The following CSMD1 variants were observed in gnomAD, a reference collection of about 807,000 sequenced individuals.
CSMD1 encodes CUB and sushi domain-containing protein 1.
A neutral mutation model predicts 417.5 loss-of-function variants in CSMD1; 213 were observed. The ratio of observed to expected loss-of-function variants is 0.51; its 90% CI spans 0.46 to 0.57. The LOEUF (loss-of-function observed/expected upper bound fraction) is 0.57. Among genes scored for constraint, CSMD1 ranks in the 20% least tolerant of loss-of-function variants. The pLI is 0.00. For synonymous variants in CSMD1, 2,862 were observed against 1,736.8 expected (o/e 1.65, Z -16.11); for missense variants, 6,923 against 4,529.7 (o/e 1.53, Z -15.17).
rs1808737670 is a variant in CSMD1, at chr8:4,951,440, A to G, written c.85+42892T>C. Among the ~76,000 whole-genome samples, 7 of 151,524 alleles carry G rather than the reference A, an allele frequency of 4.6e-5. No individual in the cohort carries two copies. The Admixed American group carries it at 4.6e-4, about 10-fold the overall frequency. On this transcript the variant is annotated intron_variant, in intron 1 of 69. Coordinates refer to ENST00000635120, the MANE Select transcript of CSMD1 (RefSeq NM_033225.6). Reference sequence around the variant, plus strand: ...ATTAAAAAAAAAGAAAAAGAAAGAAAGAGGGAAGGAAGGAAGGAAAGAAGG... The same window carrying G: ...ATTAAAAAAAAAGAAAAAGAAAGAAGGAGGGAAGGAAGGAAGGAAAGAAGG...
chr8:4,254,371 C>T (rs1016405231), intron 3 of CSMD1, among the ~76,000 whole-genome samples: 4 of 152,158 alleles, frequency 2.6e-5, no homozygotes, highest in African/African-American at 4.8e-5. Context: ...CAGTAATGGG[C>T]TGCATGACGA....
In CSMD1 at chr8:4,712,758, CCTT is replaced by C. The variant is rs539719821; in HGVS notation, c.86-75203_86-75201del. The stretch of plus-strand genomic sequence containing the variant: ...TGATATTAAAGGTGTTTTGTTTCCT[CCTT>C]CTTTCTTTTGGGACCACTGCCTGTT... On this transcript the variant is annotated intron_variant, in intron 1 of 69. Coordinates refer to ENST00000635120, the MANE Select transcript of CSMD1 (RefSeq NM_033225.6). Among the ~76,000 whole-genome samples the C allele has an allele frequency of 4.3e-3, 652 of 152,176 alleles. 3 individuals carry two copies. Among genetic ancestry groups the C allele is most frequent in the Middle Eastern group, 0.017 (5 of 294 alleles).
chr8:4,205,290 C>G (rs1328962639), intron 3 of CSMD1, among the ~76,000 whole-genome samples: 1 of 152,058 alleles, frequency 6.6e-6, no homozygotes, highest in Non-Finnish European at 1.5e-5. Context: ...ACAATAGTTC[C>G]TTGAAAAAGA....
intron 1 of CSMD1, among the ~76,000 whole-genome samples, chr8:4,638,836 C>A (rs1320001899): frequency 1.3e-5 from 2 of 152,160 alleles, no homozygotes; most frequent in Non-Finnish European, 2.9e-5. Context: ...AGCCACTGAG[C>A]AGTGTCTGAG....
intron 3 of CSMD1, among the ~76,000 whole-genome samples, chr8:4,074,730 A>G (rs1169069640): frequency 2.6e-5 from 4 of 151,988 alleles, no homozygotes; most frequent in Admixed American, 6.6e-5. Context: ...AATTTCATTG[A>G]TTTAGGAAAA....
intron 1 of CSMD1, among the ~76,000 whole-genome samples, chr8:4,709,027 G>A (rs1258400140): frequency 1.3e-5 from 2 of 152,152 alleles, no homozygotes; most frequent in Non-Finnish European, 2.9e-5. Context: ...AATGTCTATT[G>A]CTGAAGCTTC....
chr8:3,011,664 G>C (rs754080750), intron 52 of CSMD1, among the ~76,000 whole-genome samples: 1 of 152,124 alleles, frequency 6.6e-6, no homozygotes, highest in Non-Finnish European at 1.5e-5. Flanking sequence ...TCCTCTATGT[G>C]GGAAATAACT....
intron 3 of CSMD1, among the ~76,000 whole-genome samples, chr8:4,139,461 G>A (rs73176395): frequency 0.3 from 45,385 of 151,232 alleles, 8,490 homozygotes; most frequent in Non-Finnish European, 0.39. Flanking sequence ...CCCTGGAGGC[G>A]TGGACAGTCC....
chr8:3,041,886 G>A (rs770702473), intron 50 of CSMD1, among the ~76,000 whole-genome samples: 55 of 152,128 alleles, frequency 3.6e-4, no homozygotes, highest in Non-Finnish European at 5.9e-4. Flanking sequence ...GTACAATCAC[G>A]CAAACGTTAT....
chr8:4,107,001 C>A (rs1585326254), intron 3 of CSMD1, among the ~76,000 whole-genome samples: 1 of 152,278 alleles, frequency 6.6e-6, no homozygotes, highest in South Asian at 2.1e-4. Context: ...TTAGACAACA[C>A]TAACAGGAGA....
At chr8:4,171,720 C>G (rs989966236) in intron 3 of CSMD1, among the ~76,000 whole-genome samples, 1 of 149,424 alleles carries the variant, frequency 6.7e-6, no homozygotes, top group African/African-American at 2.6e-5. Flanking sequence ...ATTTATGTGC[C>G]AAGCTTCTGA....
chr8:3,933,372 A>C (rs906873927), intron 5 of CSMD1, among the ~76,000 whole-genome samples: 1 of 152,222 alleles, frequency 6.6e-6, no homozygotes, highest in African/African-American at 2.4e-5. Context: ...ATTTCAGTTT[A>C]GTACTAACTG....
chr8:3,263,562 G>C (rs1046298928), intron 26 of CSMD1, among the ~76,000 whole-genome samples: 7 of 152,118 alleles, frequency 4.6e-5, no homozygotes, highest in Non-Finnish European at 2.9e-5. Context: ...ATACATTCAA[G>C]TAATTTTTGA....
chr8:3,348,177 C>T lies in CSMD1; in HGVS notation c.3305-16G>A. On this transcript the variant is annotated splice_polypyrimidine_tract_variant and intron_variant, in intron 21 of 69. Coordinates refer to ENST00000635120, the MANE Select transcript of CSMD1 (RefSeq NM_033225.6). ...CCACATTCGGCTACAATAAATAGGACATGAGAGAAAGAGGATTCAAAAGTG... is the reference window on the plus strand; with the variant it reads ...CCACATTCGGCTACAATAAATAGGATATGAGAGAAAGAGGATTCAAAAGTG... 3 of 1,600,352 alleles carry T rather than the reference C, an allele frequency of 1.9e-6. No individual in the cohort carries two copies. Among genetic ancestry groups the T allele is most frequent in the Non-Finnish European group, 2.6e-6 (3 of 1,173,624 alleles).
chr8:4,232,440 C>G (rs552293624), intron 3 of CSMD1, among the ~76,000 whole-genome samples: 4 of 152,276 alleles, frequency 2.6e-5, no homozygotes, highest in African/African-American at 9.6e-5. Context: ...CTCAGGTGAT[C>G]TGCCCACCTC....
At chr8:3,022,480 A>G (rs1339547164) in intron 51 of CSMD1, among the ~76,000 whole-genome samples, 1 of 152,252 alleles carries the variant, frequency 6.6e-6, no homozygotes, top group East Asian at 1.9e-4. Context: ...TTCCCACAGG[A>G]AAGTCTCTTT....
chr8:3,413,472 T>C (rs1308492318), intron 12 of CSMD1, among the ~76,000 whole-genome samples: 2 of 152,178 alleles, frequency 1.3e-5, no homozygotes, highest in African/African-American at 4.8e-5. Flanking sequence ...ACAAGTCCCT[T>C]ATCAGGCATT....
chr8:4,313,831 T>C (rs772474781), intron 3 of CSMD1, among the ~76,000 whole-genome samples: 3 of 151,916 alleles, frequency 2.0e-5, no homozygotes, highest in Non-Finnish European at 4.4e-5. Context: ...CTGACCAATA[T>C]GGTGAAACCT....
At chr8:4,760,572 A>G (rs1487752486) in intron 1 of CSMD1, among the ~76,000 whole-genome samples, 1 of 152,186 alleles carries the variant, frequency 6.6e-6, no homozygotes, top group Non-Finnish European at 1.5e-5. Flanking sequence ...GAATATTTTT[A>G]TTTCTAGAAT....
Sources: allele counts gnomAD v4.1 joint callset (sites outside exome capture counted in the v4.1 genomes callset), GRCh38; gene constraint gnomAD v4.1.1; transcripts MANE v1.5; gene names NCBI Gene and HGNC (gene_info 2026-07-23, HGNC 2026-07-21).